Variants in SNX27 observed in about 807,000 individuals in gnomAD.
SNX27 encodes the protein sorting nexin 27, also known as sorting nexin-27.
A neutral mutation model predicts 71.6 loss-of-function variants in SNX27; 22 were observed. That is an observed-to-expected ratio of 0.31 (90% CI 0.22 to 0.44). The LOEUF is 0.44. SNX27 is among the 20% of genes least tolerant of loss of function. SNX27 has a pLI of 1.00. For missense variants in SNX27, 531 were observed against 698.6 expected, an observed-to-expected ratio of 0.76 and a Z score of 2.70; for synonymous variants, 269 against 277.2, an observed-to-expected ratio of 0.97 and a Z score of 0.29.
At chr1:151,671,201 T>G (rs975876709) in intron 7 of SNX27, among the ~76,000 whole-genome samples, 3 of 152,136 alleles carry the variant, frequency 2.0e-5, no homozygotes, top group Non-Finnish European at 4.4e-5. Context: ...GTAGTATAAT[T>G]TGAAGTCAGG....
chr1:151,644,751 T>C (rs1668958786), intron 2 of SNX27, among the ~76,000 whole-genome samples: 1 of 152,182 alleles, frequency 6.6e-6, no homozygotes, highest in Admixed American at 6.5e-5. Context: ...AGGTCTGTGA[T>C]CCATTTTGAG....
At chr1:151,655,178 T>C (rs1022582808) in intron 2 of SNX27, among the ~76,000 whole-genome samples, 1 of 152,204 alleles carries the variant, frequency 6.6e-6, no homozygotes, top group Non-Finnish European at 1.5e-5. Context: ...GCTTTGTTTT[T>C]AAGCTCTTTT....
At chr1:151,637,852 G>GA (rs1239478639) in intron 1 of SNX27, among the ~76,000 whole-genome samples, 1 of 152,178 alleles carries the variant, frequency 6.6e-6, no homozygotes, top group Non-Finnish European at 1.5e-5. Flanking sequence ...GAACAGGACT[G>GA]AAAAAGAATT....
chr1:151,662,047 G>T, intron 4 of SNX27, 119 bp from the exon 5 acceptor site: 3 of 587,880 alleles, frequency 5.1e-6, no homozygotes, highest in South Asian at 2.2e-5. Flanking sequence ...TTTTTTTCCC[G>T]TTTTCATTGG....
At chr1:151,615,772 C>T (rs1571748425) in intron 1 of SNX27, 5 of 984,336 alleles carry the variant, frequency 5.1e-6, no homozygotes, top group Non-Finnish European at 6.0e-6. Flanking sequence ...TAACAATTTT[C>T]GTATTTTTCA....
At chr1:151,633,860 T>C (rs1383975848) in intron 1 of SNX27, among the ~76,000 whole-genome samples, 1 of 152,246 alleles carries the variant, frequency 6.6e-6, no homozygotes, top group Non-Finnish European at 1.5e-5. Flanking sequence ...TGCCACAACT[T>C]GTTTATCCAT....
chr1:151,652,478 G>A (rs922325214), intron 2 of SNX27, among the ~76,000 whole-genome samples: 2 of 144,726 alleles, frequency 1.4e-5, no homozygotes, highest in Non-Finnish European at 3.0e-5. Context: ...GTGTGATCTC[G>A]GCTCACTGCA....
chr1:151,667,565 C>T (rs1670252157), intron 6 of SNX27, among the ~76,000 whole-genome samples: 1 of 148,834 alleles, frequency 6.7e-6, no homozygotes, highest in Non-Finnish European at 1.5e-5. Context: ...GTGGCTCACG[C>T]CTGTAATCCC....
At chr1:151,673,984 A>C (rs554479421) in intron 7 of SNX27, among the ~76,000 whole-genome samples, 1 of 150,656 alleles carries the variant, frequency 6.6e-6, no homozygotes. Context: ...GTTTTTTTTT[A>C]TTTATTCAGC....
chr1:151,665,399 C>T (rs554207447), intron 5 of SNX27, among the ~76,000 whole-genome samples: 1 of 152,244 alleles, frequency 6.6e-6, no homozygotes, highest in African/African-American at 2.4e-5. Context: ...CAACATGAGA[C>T]ATGGATCATC....
intron 7 of SNX27, among the ~76,000 whole-genome samples, chr1:151,672,833 T>C (rs1279513116): frequency 6.6e-6 from 1 of 152,044 alleles, no homozygotes; most frequent in African/African-American, 2.4e-5. Flanking sequence ...TGTTGTAATA[T>C]CTCCTTTTTC....
intron 11 of SNX27, 76 bp downstream of exon 11, chr1:151,693,559 C>A: frequency 6.2e-7 from 1 of 1,612,016 alleles, no homozygotes; most frequent in Non-Finnish European, 8.5e-7. Flanking sequence ...TGGCCAAATA[C>A]CTGGGACCCT....
chr1:151,665,866 C>A, intron 5 of SNX27, 67 bp from the exon 6 acceptor site: 1 of 1,349,190 alleles, frequency 7.4e-7, no homozygotes. Context: ...CAGACATACA[C>A]CTGCTTTTTC....
In SNX27 at chr1:151,696,197, G is replaced by A. The variant is rs1671695018; in HGVS notation, c.*1780G>A. The A allele has an allele frequency of 6.6e-6, 1 of 152,192 alleles. No homozygotes were observed. Among genetic ancestry groups the A allele is most frequent in the African/African-American group, 2.4e-5 (1 of 41,438 alleles). 9.4% of individuals were successfully genotyped at this position (152,192 alleles called of 1,614,324 possible). A position where few individuals can be genotyped will look rare whatever the true frequency, so the allele number is the denominator to read the frequency against. ...AGGATCAGAAGCCAGGGCTAATTGGGGTAGGACAATATTCCCAGCCCCTAA... is the reference window on the plus strand; with the variant it reads ...AGGATCAGAAGCCAGGGCTAATTGGAGTAGGACAATATTCCCAGCCCCTAA... On this transcript the variant is annotated 3_prime_UTR_variant, in exon 12 of 12. Coordinates refer to ENST00000458013, the MANE Select transcript of SNX27 (RefSeq NM_001330723.2).
intron 1 of SNX27, among the ~76,000 whole-genome samples, chr1:151,637,609 T>TA (rs1453847043): frequency 6.6e-6 from 1 of 152,214 alleles, no homozygotes; most frequent in Non-Finnish European, 1.5e-5. Flanking sequence ...GTATATAAGT[T>TA]AGACTTGTAG....
chr1:151,623,775 A>G (rs947936202), intron 1 of SNX27, among the ~76,000 whole-genome samples: 2 of 152,152 alleles, frequency 1.3e-5, no homozygotes, highest in African/African-American at 2.4e-5. Context: ...ATGATAGGCT[A>G]GAACTATAGG....
At chr1:151,669,050 G>GT (rs1203277350) in intron 7 of SNX27, 1 of 153,166 alleles carries the variant, frequency 6.5e-6, no homozygotes, top group African/African-American at 2.4e-5. Context: ...TTTAGCTCTT[G>GT]TTTTTTATTG....
chr1:151,637,413 T>C (rs925872557), intron 1 of SNX27, among the ~76,000 whole-genome samples: 2 of 152,020 alleles, frequency 1.3e-5, no homozygotes, highest in Non-Finnish European at 2.9e-5. Flanking sequence ...CTCCTGACCT[T>C]GTGATCCACC....
At chr1:151,616,757 A>G (rs1403226145) in intron 1 of SNX27, among the ~76,000 whole-genome samples, 6 of 152,342 alleles carry the variant, frequency 3.9e-5, no homozygotes, top group Admixed American at 3.9e-4. Flanking sequence ...ATGGTTATTG[A>G]TCAAAGGAAA....
Sources: allele counts gnomAD v4.1 joint callset (sites outside exome capture counted in the v4.1 genomes callset), GRCh38; gene constraint gnomAD v4.1.1; transcripts MANE v1.5; gene names NCBI Gene and HGNC (gene_info 2026-07-23, HGNC 2026-07-21).